MIPOL1: variants seen among roughly 807,000 people sequenced by gnomAD.
MIPOL1 encodes mirror-image polydactyly 1, also known as mirror-image polydactyly gene 1 protein.
MIPOL1 carries 57 observed loss-of-function variants against 60.9 expected under a neutral mutation model. That is an observed-to-expected ratio of 0.94 (90% CI 0.76 to 1.17). The LOEUF is 1.17. MIPOL1 is among the 50% of genes most tolerant of loss of function. MIPOL1 has a pLI of 0.00. For missense variants in MIPOL1, 551 were observed against 511.6 expected (o/e 1.08, Z -0.74); for synonymous variants, 179 against 168.8 (o/e 1.06, Z -0.47).
chr14:37,243,720 G>GT (rs2153349586), intron 1 of MIPOL1, among the ~76,000 whole-genome samples: 1 of 152,208 alleles, frequency 6.6e-6, no homozygotes, highest in South Asian at 2.1e-4. Flanking sequence ...TATTTAAAAT[G>GT]TTTTTTAAAA....
chr14:37,347,869 C>T (rs1031461880), intron 9 of MIPOL1, among the ~76,000 whole-genome samples: 2 of 152,076 alleles, frequency 1.3e-5, no homozygotes, highest in Non-Finnish European at 2.9e-5. Flanking sequence ...TTTCAAAGAC[C>T]GGATGTCTCA....
intron 10 of MIPOL1, among the ~76,000 whole-genome samples, chr14:37,397,165 G>T (rs918247097): frequency 1.3e-5 from 2 of 152,216 alleles, no homozygotes; most frequent in Admixed American, 1.3e-4. Context: ...GTCCCACGGG[G>T]TGTCCCTTGA....
At chr14:37,378,182 C>A (rs1200205184) in intron 10 of MIPOL1, among the ~76,000 whole-genome samples, 1 of 152,012 alleles carries the variant, frequency 6.6e-6, no homozygotes, top group Non-Finnish European at 1.5e-5. Flanking sequence ...CTATTGCACT[C>A]CTGGATCTTT....
intron 11 of MIPOL1, among the ~76,000 whole-genome samples, chr14:37,455,032 C>T (rs1043975237): frequency 5.3e-5 from 8 of 152,102 alleles, no homozygotes; most frequent in African/African-American, 1.9e-4. Context: ...ATGCTGATGA[C>T]TCCCAAATGC....
intron 10 of MIPOL1, among the ~76,000 whole-genome samples, chr14:37,403,431 G>GA (rs2093526669): frequency 1.7e-5 from 1 of 60,132 alleles, no homozygotes; most frequent in Non-Finnish European, 3.3e-5. Context: ...GAGGTTTCTA[G>GA]CTTTTTTTTT....
chr14:37,417,907 C>T (rs2093801146), intron 10 of MIPOL1, among the ~76,000 whole-genome samples: 1 of 152,134 alleles, frequency 6.6e-6, no homozygotes, highest in Non-Finnish European at 1.5e-5. Context: ...TTCTAACCAT[C>T]TATGAAACCT....
intron 8 of MIPOL1, 81 bp from the exon 9 acceptor site, chr14:37,308,268 A>T: frequency 7.9e-7 from 1 of 1,258,976 alleles, no homozygotes; most frequent in Non-Finnish European, 1.1e-6. Context: ...TACAATTCAC[A>T]TGTGCCTATT....
At chr14:37,524,570 C>CTT (rs1298582410) in intron 12 of MIPOL1, among the ~76,000 whole-genome samples, 1 of 121,810 alleles carries the variant, frequency 8.2e-6, no homozygotes, top group Non-Finnish European at 1.7e-5. Flanking sequence ...TTTTTCTTTT[C>CTT]TTTTTTTTTT....
In MIPOL1 at chr14:37,279,345, A is replaced by G. The variant is rs975755218; in HGVS notation, c.494-5973A>G. On this transcript the variant is annotated intron_variant, in intron 6 of 12. Coordinates refer to ENST00000684589, the MANE Select transcript of MIPOL1 (RefSeq NM_001388067.1). Reference sequence around the variant, plus strand: ...CTTTATTCATTCCATCATAATTTGCATTAGAGCTGTGGGTGTTTAATGAGC... The same window carrying G: ...CTTTATTCATTCCATCATAATTTGCGTTAGAGCTGTGGGTGTTTAATGAGC... Among the ~76,000 whole-genome samples the G allele has an allele frequency of 2.0e-5, 3 of 151,328 alleles. No individual in the cohort carries two copies. In the Admixed American group the frequency reaches 2.0e-4, roughly 10 times the overall value.
At chr14:37,333,367 A>G (rs1457506717) in intron 9 of MIPOL1, among the ~76,000 whole-genome samples, 1 of 152,082 alleles carries the variant, frequency 6.6e-6, no homozygotes, top group African/African-American at 2.4e-5. Context: ...CAGATCTCCA[A>G]TAATTTTTCT....
chr14:37,481,823 A>G (rs1392862473), intron 11 of MIPOL1, among the ~76,000 whole-genome samples: 1 of 152,180 alleles, frequency 6.6e-6, no homozygotes, highest in East Asian at 1.9e-4. Context: ...TGTGCCAAGA[A>G]TACACAATGG....
At position 37,360,048 on chromosome 14, in the gene MIPOL1, G is replaced by A. The variant is rs527420241; in HGVS notation, c.829-9469G>A. Among the ~76,000 whole-genome samples, 43 of 152,134 alleles carry A rather than the reference G, an allele frequency of 2.8e-4. 1 individual carries two copies. The highest frequency in any genetic ancestry group is 7.0e-4 in the African/African-American group (29 of 41,492). ...GCATGAAGGGCTGTTGAATTTTGTC[G>A]AAGGCCTTTTCTGCATCTAATGAGA... On this transcript the variant is annotated intron_variant, in intron 9 of 12. Transcript: ENST00000684589.
Position 37,356,091 on chromosome 14 carries a change from G to A in MIPOL1, c.829-13426G>A, listed in dbSNP as rs558141518. ...GATGTACAGATGGGTTTTTGGTGTGGATGTCCTTTCTGTTTGTTAGTTTTC... is the reference window on the plus strand; with the variant it reads ...GATGTACAGATGGGTTTTTGGTGTGAATGTCCTTTCTGTTTGTTAGTTTTC... On this transcript the variant is annotated intron_variant, in intron 9 of 12. Transcript: ENST00000684589. 6.6e-4 allele frequency among the ~76,000 whole-genome samples: 99 copies of A among 149,142 alleles called. 1 individual carries two copies. The highest frequency in any genetic ancestry group is 2.4e-3 in the African/African-American group (97 of 40,798).
At chr14:37,218,734 C>T (rs1277099259) in intron 1 of MIPOL1, among the ~76,000 whole-genome samples, 2 of 151,672 alleles carry the variant, frequency 1.3e-5, no homozygotes, top group Non-Finnish European at 2.9e-5. Context: ...CCCAGGAATT[C>T]AAGACCAGCA....
intron 11 of MIPOL1, among the ~76,000 whole-genome samples, chr14:37,423,372 A>G (rs570510450): frequency 2.1e-4 from 31 of 151,178 alleles, no homozygotes; most frequent in Admixed American, 2.0e-3. Flanking sequence ...ATAACCTTTC[A>G]TGTATTTTAA....
chr14:37,404,271 G>A (rs1595618435), intron 10 of MIPOL1, among the ~76,000 whole-genome samples: 1 of 151,934 alleles, frequency 6.6e-6, no homozygotes, highest in Admixed American at 6.6e-5. Flanking sequence ...TCTTTTTTGG[G>A]TTTAGTAAAA....
At chr14:37,519,005 G>A (rs1417191667) in intron 12 of MIPOL1, among the ~76,000 whole-genome samples, 1 of 152,010 alleles carries the variant, frequency 6.6e-6, no homozygotes, top group Non-Finnish European at 1.5e-5. Context: ...GAAGGATAAA[G>A]CGGAAACAGC....
chr14:37,293,528 G>T (rs752398879), intron 7 of MIPOL1, among the ~76,000 whole-genome samples: 3 of 152,194 alleles, frequency 2.0e-5, no homozygotes. Flanking sequence ...CACCCGGGAA[G>T]CGCAAGGGGT....
chr14:37,485,652 TC>T (rs2094935894), intron 11 of MIPOL1, among the ~76,000 whole-genome samples: 1 of 152,226 alleles, frequency 6.6e-6, no homozygotes, highest in African/African-American at 2.4e-5. Flanking sequence ...TCTGTTCATA[TC>T]CTTTGCCCAC....
Sources: allele counts gnomAD v4.1 joint callset (sites outside exome capture counted in the v4.1 genomes callset), GRCh38; gene constraint gnomAD v4.1.1; transcripts MANE v1.5; gene names NCBI Gene and HGNC (gene_info 2026-07-23, HGNC 2026-07-21).